ENTREP2: variants seen among roughly 807,000 people sequenced by gnomAD.
ENTREP2 encodes the protein protein ENTREP2.
At chr15:29,347,362 G>T in the ENTREP2 span, among the ~76,000 whole-genome samples, 1 of 151,830 alleles carries the variant, frequency 6.6e-6, no homozygotes, top group Non-Finnish European at 1.5e-5. Context: ...TAGAGACAAG[G>T]TCTCGCTGTG....
chr15:29,620,091 AGAGTTT>A, the ENTREP2 span, among the ~76,000 whole-genome samples: 1 of 152,126 alleles, frequency 6.6e-6, no homozygotes, highest in Non-Finnish European at 1.5e-5. Context: ...GGAACTGGTT[AGAGTTT>A]ATGTACGTTT....
chr15:29,410,261 C>T, the ENTREP2 span, among the ~76,000 whole-genome samples: 1 of 152,206 alleles, frequency 6.6e-6, no homozygotes, highest in Admixed American at 6.5e-5. Context: ...CTCCGCAAGA[C>T]AGTGTGTTTG....
chr15:29,257,402 CTGA>C, the ENTREP2 span, among the ~76,000 whole-genome samples: 1 of 152,152 alleles, frequency 6.6e-6, no homozygotes, highest in Non-Finnish European at 1.5e-5. Flanking sequence ...CAGATCCCTA[CTGA>C]TGAACATTTG....
chr15:29,448,594 G>A, the ENTREP2 span, among the ~76,000 whole-genome samples: 2 of 152,228 alleles, frequency 1.3e-5, no homozygotes, highest in East Asian at 3.8e-4. Flanking sequence ...GTGAGGCAGA[G>A]AAACCATCAA....
chr15:29,238,077 T>C, the ENTREP2 span, among the ~76,000 whole-genome samples: 62,955 of 151,958 alleles, frequency 0.41, 13,305 homozygotes, highest in East Asian at 0.6. Flanking sequence ...GAAAACATTA[T>C]GCTAAGAAAG....
At chr15:29,656,079 A>G in the ENTREP2 span, among the ~76,000 whole-genome samples, 3 of 151,828 alleles carry the variant, frequency 2.0e-5, no homozygotes, top group Admixed American at 2.0e-4. Context: ...ACTTTTAAAG[A>G]GCAGAAAGAA....
At chr15:29,669,939 T>C in the ENTREP2 span, among the ~76,000 whole-genome samples, 1 of 152,206 alleles carries the variant, frequency 6.6e-6, no homozygotes, top group African/African-American at 2.4e-5. Flanking sequence ...CAAAATCATG[T>C]TGGCTGTGCT....
chr15:29,230,610 T>C, the ENTREP2 span, among the ~76,000 whole-genome samples: 1 of 152,130 alleles, frequency 6.6e-6, no homozygotes, highest in Admixed American at 6.6e-5. Context: ...TTTGAGAGAA[T>C]AATATCTCGG....
At chr15:29,370,741 C>A in the ENTREP2 span, among the ~76,000 whole-genome samples, 1 of 152,050 alleles carries the variant, frequency 6.6e-6, no homozygotes, top group Admixed American at 6.6e-5. Context: ...GAAGTGCAGG[C>A]AGGATAAGGA....
the ENTREP2 span, among the ~76,000 whole-genome samples, chr15:29,279,851 T>C: frequency 1.3e-5 from 2 of 152,204 alleles, no homozygotes; most frequent in Non-Finnish European, 2.9e-5. Context: ...GTTGTATCTT[T>C]CTACCTGGAG....
chr15:29,658,991 C>G, the ENTREP2 span, among the ~76,000 whole-genome samples: 1 of 152,254 alleles, frequency 6.6e-6, no homozygotes, highest in Non-Finnish European at 1.5e-5. Context: ...ACACAACATA[C>G]AGATGGATGC....
the ENTREP2 span, among the ~76,000 whole-genome samples, chr15:29,303,410 C>T: frequency 2.0e-5 from 3 of 152,068 alleles, no homozygotes; most frequent in Non-Finnish European, 4.4e-5. Context: ...AGACAGATAG[C>T]CCATGGCCAT....
the ENTREP2 span, among the ~76,000 whole-genome samples, chr15:29,249,248 C>G: frequency 1.3e-5 from 2 of 152,178 alleles, no homozygotes; most frequent in South Asian, 2.1e-4. Flanking sequence ...GTAGAGGTTG[C>G]AGTGAGCTGA....
At chr15:29,363,086 T>C in the ENTREP2 span, among the ~76,000 whole-genome samples, 1 of 152,180 alleles carries the variant, frequency 6.6e-6, no homozygotes. Flanking sequence ...AAATATGTTT[T>C]CACCCTACTT....
chr15:29,355,525 C>T, the ENTREP2 span, among the ~76,000 whole-genome samples: 1 of 150,908 alleles, frequency 6.6e-6, no homozygotes, highest in East Asian at 1.9e-4. Flanking sequence ...AAACCTCACA[C>T]TTGGAGGATC....
At chr15:29,135,490 G>A in the ENTREP2 span, among the ~76,000 whole-genome samples, 1 of 152,132 alleles carries the variant, frequency 6.6e-6, no homozygotes, top group East Asian at 1.9e-4. This position sits in a 1 kb window ranked among gnomAD's most constrained non-coding sequence, Gnocchi z 7.4. Context: ...TCTCTGTCCT[G>A]GCTAGCAGCA....
the ENTREP2 span, among the ~76,000 whole-genome samples, chr15:29,604,137 G>A: frequency 6.6e-6 from 1 of 151,784 alleles, no homozygotes; most frequent in Non-Finnish European, 1.5e-5. Context: ...ACTGGATAAA[G>A]AAAGTGAGTG....
the ENTREP2 span, chr15:29,124,881 G>A: frequency 2.3e-6 from 2 of 887,472 alleles, no homozygotes; most frequent in Middle Eastern, 2.2e-4. Flanking sequence ...GAAGCCTGCT[G>A]AGCTGACACC....
the ENTREP2 span, chr15:29,151,774 A>C: frequency 6.4e-7 from 1 of 1,551,830 alleles, no homozygotes; most frequent in Non-Finnish European, 8.7e-7. Flanking sequence ...CATACAGCAC[A>C]TGGCTGTGGC....
Sources: allele counts gnomAD v4.1 joint callset (sites outside exome capture counted in the v4.1 genomes callset), GRCh38; gene constraint gnomAD v4.1.1; non-coding constraint Gnocchi (gnomAD v3.1); transcripts MANE v1.5; gene names NCBI Gene and HGNC (gene_info 2026-07-23, HGNC 2026-07-21).